Variants in TBX5 observed in about 807,000 individuals in gnomAD.
TBX5 encodes T-box transcription factor TBX5.
A neutral mutation model predicts 51.1 loss-of-function variants in TBX5; 8 were observed. The ratio of observed to expected loss-of-function variants is 0.16; its 90% CI spans 0.09 to 0.28. The LOEUF (loss-of-function observed/expected upper bound fraction) is 0.28, where lower values mean the gene tolerates loss of function less well. Among genes scored for constraint, TBX5 ranks in the 10% least tolerant of loss-of-function variants. The pLI is 1.00. For missense variants in TBX5, 589 were observed against 671.7 expected, an observed-to-expected ratio of 0.88 and a Z score of 1.36; for synonymous variants, 302 against 266.4, an observed-to-expected ratio of 1.13 and a Z score of -1.30.
intron 5 of TBX5, among the ~76,000 whole-genome samples, chr12:114,395,973 A>T (rs1340229425): frequency 6.6e-6 from 1 of 152,048 alleles, no homozygotes; most frequent in Non-Finnish European, 1.5e-5. Flanking sequence ...TCCCCACCGA[A>T]CTTGCGAATC....
At chr12:114,388,318 T>C (rs1261949) in intron 6 of TBX5, among the ~76,000 whole-genome samples, 88,645 of 151,922 alleles carry the variant, frequency 0.58, 26,483 homozygotes, top group Admixed American at 0.72. Context: ...CCACCACGCC[T>C]GAGTAATTTT....
chr12:114,384,545 A>C (rs1238315378), intron 7 of TBX5, among the ~76,000 whole-genome samples: 2 of 152,166 alleles, frequency 1.3e-5, no homozygotes, highest in African/African-American at 4.8e-5. Context: ...CCACAGATTT[A>C]AGGTCTTTCT....
rs1221946399 is a variant in TBX5 at position 114,356,246 on chromosome 12, A to T, written c.983-140T>A. On this transcript the variant is annotated intron_variant, in intron 8 of 8. Transcript: ENST00000405440. ...TAACCGCCATTCTGAATACAAAAAAAGGGGGTTGGATTGTAATGGTTAAGA... is the reference window on the plus strand; with the variant it reads ...TAACCGCCATTCTGAATACAAAAAATGGGGGTTGGATTGTAATGGTTAAGA... 2.3e-5 allele frequency: 20 copies of T among 854,502 alleles called. No homozygotes were observed. The Admixed American group carries it at 3.5e-4, about 15-fold the overall frequency. 52.9% of individuals were successfully genotyped at this position (854,502 alleles called of 1,614,324 possible).
rs988695790 is a variant in TBX5, at chr12:114,389,593, A to C, written c.664-4026T>G. On this transcript the variant is annotated intron_variant, in intron 6 of 8. Coordinates refer to ENST00000405440, the MANE Select transcript of TBX5 (RefSeq NM_181486.4). The stretch of plus-strand genomic sequence containing the variant: ...AACGGTGAAACCCCGTCTCTACTAA[A>C]AATACAAAAAATTAGCCGGGCGTAG... Among the ~76,000 whole-genome samples, 8 of 148,644 alleles carry C rather than the reference A, an allele frequency of 5.4e-5. No homozygotes were observed. The Admixed American group carries it at 5.4e-4, about 10-fold the overall frequency.
Position 114,394,701 on chromosome 12 carries a change from C to A in TBX5, c.663+40G>T, listed in dbSNP as rs769346858. ...TTGCAGATTCATGCAAAAGAAAGAG[C>A]AGACGGCCCCAGGCACTGGTTCCTG... On this transcript the variant is annotated intron_variant, in intron 6 of 8. Transcript: ENST00000405440. The A allele has an allele frequency of 1.1e-5, 18 of 1,613,326 alleles. 1 individual carries two copies. The Middle Eastern group carries it at 6.6e-4, about 59-fold the overall frequency.
At chr12:114,399,440 A>G in intron 4 of TBX5, 73 bp downstream of exon 4, 1 of 1,607,252 alleles carries the variant, frequency 6.2e-7, no homozygotes, top group Non-Finnish European at 8.5e-7. Flanking sequence ...GTTCACTGAT[A>G]CAACTTTTCA....
Position 114,355,807 on chromosome 12 carries a change from C to G in TBX5, c.1282G>C (p.Ala428Pro). The part of the protein sequence containing the change: ...MDRLPYQHFS[A>P]HFTSGPLVPR... ...ACCAGGGGCCCCGAGGTGAAGTGAG[C>G]GGAGAAGTGCTGGTAGGGTAGCCTG... The change falls in exon 9 of 9, where the codon GCT becomes CCT. Residue 428 changes from alanine to proline, a missense_variant. Around this residue, in one of 7 missense-constraint regions of TBX5, gnomAD observed 348 missense variants for 360.4 expected, o/e 0.97. Coordinates refer to ENST00000405440, the MANE Select transcript of TBX5 (RefSeq NM_181486.4). 6.2e-7 allele frequency: 1 copy of G among 1,614,042 alleles called. No individual in the cohort carries two copies. Among genetic ancestry groups the G allele is most frequent in the Admixed American group, 1.7e-5 (1 of 60,022 alleles).
At chr12:114,362,693 C>T (rs1458183188) in intron 8 of TBX5, among the ~76,000 whole-genome samples, 1 of 152,132 alleles carries the variant, frequency 6.6e-6, no homozygotes, top group Admixed American at 6.5e-5. Flanking sequence ...GAGACAGGGT[C>T]TCTCTCTGTC....
intron 3 of TBX5, among the ~76,000 whole-genome samples, chr12:114,400,121 G>A (rs905904417): frequency 6.6e-6 from 1 of 152,138 alleles, no homozygotes; most frequent in Non-Finnish European, 1.5e-5. Flanking sequence ...ATGCACACGC[G>A]TGGGTGCGCC....
chr12:114,368,996 G>A (rs763858523), intron 7 of TBX5, among the ~76,000 whole-genome samples: 45 of 150,662 alleles, frequency 3.0e-4, no homozygotes, highest in Non-Finnish European at 5.0e-4. Context: ...TTCAAGCTAC[G>A]TAATGGAAAA....
intron 8 of TBX5, among the ~76,000 whole-genome samples, chr12:114,357,192 G>A (rs1468123319): frequency 3.9e-5 from 6 of 152,182 alleles, no homozygotes; most frequent in Non-Finnish European, 8.8e-5. Context: ...CCTTCCCTGT[G>A]TACTAGTCAT....
intron 6 of TBX5, among the ~76,000 whole-genome samples, chr12:114,386,757 G>A (rs117387136): frequency 6.6e-6 from 1 of 152,232 alleles, no homozygotes; most frequent in Non-Finnish European, 1.5e-5. Flanking sequence ...GTACTGAACT[G>A]AGACTCCCTC....
In TBX5 at chr12:114,356,068, G is replaced by A. The variant is rs907617752; in HGVS notation, c.1021C>T (p.Pro341Ser). Reference protein sequence around the residue: ...CSTTDHPYKKPYMETSPSEED... With the variant: ...CSTTDHPYKKSYMETSPSEED... ...TCACTGGGTGATGTCTCCATGTAGG[G>A]CTTCTTATAGGGATGGTCTGTGGTG... The change falls in exon 9 of 9, where the codon CCC becomes TCC. Residue 341 changes from proline to serine, a missense_variant. This residue lies in a region of TBX5 where 348 missense variants were observed against 360.4 expected (regional missense o/e 0.97). Coordinates refer to ENST00000405440, the MANE Select transcript of TBX5 (RefSeq NM_181486.4). The A allele has an allele frequency of 6.2e-7, 1 of 1,613,580 alleles. No homozygotes were observed. Among genetic ancestry groups the A allele is most frequent in the Non-Finnish European group, 8.5e-7 (1 of 1,180,044 alleles).
intron 6 of TBX5, among the ~76,000 whole-genome samples, chr12:114,392,722 A>AT (rs5801053): frequency 6.6e-6 from 1 of 151,364 alleles, no homozygotes; most frequent in African/African-American, 2.4e-5. Context: ...CCTTATTGCT[A>AT]TTTTTTTTTT....
At position 114,371,328 on chromosome 12, in the gene TBX5, G is replaced by A. The variant is rs76578646; in HGVS notation, c.756-4937C>T. ...ACCTCAGCTGGCCTTGGGTATCAGC[G>A]CCCACAGACCAGCTTCTCCCCAGCT... On this transcript the variant is annotated intron_variant, in intron 7 of 8. Coordinates refer to ENST00000405440, the MANE Select transcript of TBX5 (RefSeq NM_181486.4). Among the ~76,000 whole-genome samples the A allele has an allele frequency of 5.9e-3, 903 of 152,234 alleles. 4 individuals are homozygous for A. The highest frequency in any genetic ancestry group is 0.021 in the African/African-American group (854 of 41,538).
rs759073948 is a variant in TBX5 at position 114,366,092 on chromosome 12, C to G, written c.982+73G>C. The G allele has an allele frequency of 4.2e-6, 6 of 1,428,472 alleles. No individual in the cohort carries two copies. The East Asian group carries it at 1.4e-4, about 32-fold the overall frequency. The allele number at this position is 1,428,472 out of a possible 1,614,324, so 88.5% of individuals were successfully genotyped here. A position where few individuals can be genotyped will look rare whatever the true frequency, so the allele number is the denominator to read the frequency against. On this transcript the variant is annotated intron_variant, in intron 8 of 8. Coordinates refer to ENST00000405440, the MANE Select transcript of TBX5 (RefSeq NM_181486.4). The stretch of plus-strand genomic sequence containing the variant: ...AAAGTAAATAAATGAATACTCCTCA[C>G]CCCCTCACCCCCAACCCAAGGAAAG...
intron 7 of TBX5, among the ~76,000 whole-genome samples, chr12:114,373,627 T>A (rs772862723): frequency 6.6e-6 from 1 of 152,066 alleles, no homozygotes; most frequent in Non-Finnish European, 1.5e-5. Context: ...CCCAGCTAAT[T>A]TTTGTATTTT....
chr12:114,367,811 C>T (rs1447058997), intron 7 of TBX5, among the ~76,000 whole-genome samples: 1 of 152,162 alleles, frequency 6.6e-6, no homozygotes, highest in Non-Finnish European at 1.5e-5. Context: ...TTACAAACTG[C>T]ATATATTGCT....
At chr12:114,407,362 G>T (rs561819867), upstream of TBX5, among the ~76,000 whole-genome samples, 1 of 152,296 alleles carries the variant, frequency 6.6e-6, no homozygotes, top group South Asian at 2.1e-4. Context: ...TTGCTGGCAA[G>T]GCGACCCTAG....
Sources: allele counts gnomAD v4.1 joint callset (sites outside exome capture counted in the v4.1 genomes callset), GRCh38; gene constraint gnomAD v4.1.1; regional missense constraint gnomAD v4.1.1; transcripts MANE v1.5; gene names NCBI Gene and HGNC (gene_info 2026-07-23, HGNC 2026-07-21).